Variants in ADD2 observed in about 807,000 individuals in gnomAD.
ADD2 encodes the protein adducin 2.
In ADD2, 23 loss-of-function variants were observed where a neutral mutation model predicts 83.0. The observed-to-expected ratio is 0.28, with a 90% CI of 0.20 to 0.39. The LOEUF is 0.39. Ranked by LOEUF, ADD2 falls within the 10% of genes least tolerant of loss-of-function variation. The pLI, the probability that ADD2 is intolerant of heterozygous loss-of-function variation, is 1.00. For missense variants in ADD2, 758 were observed against 944.9 expected, an observed-to-expected ratio of 0.80 and a Z score of 2.59; for synonymous variants, 375 against 375.4, an observed-to-expected ratio of 1.00 and a Z score of 0.01.
chr2:70,757,956 A>G (rs1181112663), intron 1 of ADD2, among the ~76,000 whole-genome samples: 1 of 152,244 alleles, frequency 6.6e-6, no homozygotes, highest in Non-Finnish European at 1.5e-5. Flanking sequence ...CCTTCAATAA[A>G]ATGATTCACA....
In ADD2 at chr2:70,692,035, C is replaced by T. The variant is rs141903752; in HGVS notation, c.705+368G>A. On this transcript the variant is annotated intron_variant, in intron 7 of 15. Transcript: ENST00000264436. ...CAGCCTACCCTGAGCTATGGGAAAA[C>T]GGGCACAGTCCAGGTTCCCACTAAC... 4.6e-5 allele frequency among the ~76,000 whole-genome samples: 7 copies of T among 152,328 alleles called. No homozygotes were observed. The South Asian group carries it at 1.0e-3, about 23-fold the overall frequency.
intron 4 of ADD2, among the ~76,000 whole-genome samples, chr2:70,696,857 G>A (rs1671337497): frequency 6.6e-6 from 1 of 152,130 alleles, no homozygotes; most frequent in South Asian, 2.1e-4. Context: ...TTAGAAACAG[G>A]GAAAATAGAA....
intron 8 of ADD2, among the ~76,000 whole-genome samples, chr2:70,689,122 C>G (rs1316818442): frequency 5.9e-5 from 9 of 152,024 alleles, no homozygotes; most frequent in African/African-American, 1.7e-4. Flanking sequence ...CGGAAAGTCT[C>G]TCAGCTAATT....
At chr2:70,709,341 G>T (rs1334572845) in intron 2 of ADD2, among the ~76,000 whole-genome samples, 7 of 150,382 alleles carry the variant, frequency 4.7e-5, no homozygotes, top group African/African-American at 1.7e-4. Context: ...AAAAAAAAAA[G>T]ATTCTGTAAA....
chr2:70,756,551 T>C (rs149745650), intron 1 of ADD2, among the ~76,000 whole-genome samples: 51 of 152,340 alleles, frequency 3.3e-4, no homozygotes, highest in Non-Finnish European at 7.1e-4. Context: ...AATTACCTTA[T>C]AGACAAATCA....
At chr2:70,758,608 T>C (rs1311569261) in intron 1 of ADD2, among the ~76,000 whole-genome samples, 1 of 152,122 alleles carries the variant, frequency 6.6e-6, no homozygotes, top group South Asian at 2.1e-4. Context: ...AGATCAACTA[T>C]GCAACATAGT....
chr2:70,680,947 G>C (rs565171895), intron 10 of ADD2, among the ~76,000 whole-genome samples: 1 of 152,160 alleles, frequency 6.6e-6, no homozygotes, highest in African/African-American at 2.4e-5. Context: ...CTAACTTCAG[G>C]AGAAATTTAG....
At chr2:70,675,132 A>G in intron 13 of ADD2, 1 of 1,068,840 alleles carries the variant, frequency 9.4e-7, no homozygotes, top group Admixed American at 5.0e-5. Flanking sequence ...TTCTATGGAC[A>G]CTTCCAAGCC....
intron 1 of ADD2, among the ~76,000 whole-genome samples, chr2:70,743,510 T>C (rs1408322747): frequency 1.3e-5 from 2 of 152,298 alleles, no homozygotes; most frequent in Non-Finnish European, 2.9e-5. Flanking sequence ...TTAGGGACAA[T>C]ATCTGCTTCA....
At chr2:70,726,935 A>G (rs1553378383) in intron 1 of ADD2, among the ~76,000 whole-genome samples, 1 of 152,218 alleles carries the variant, frequency 6.6e-6, no homozygotes, top group African/African-American at 2.4e-5. Flanking sequence ...CTGTCTCTCC[A>G]GTCCCCAACC....
intron 5 of ADD2, 32 bp from the exon 6 acceptor site, chr2:70,695,833 G>A: frequency 6.3e-6 from 10 of 1,592,004 alleles, no homozygotes; most frequent in Non-Finnish European, 7.8e-6. Flanking sequence ...TCAGGGGCAA[G>A]GAGGGAGAAA....
intron 1 of ADD2, among the ~76,000 whole-genome samples, chr2:70,750,953 T>C (rs1553382856): frequency 6.6e-6 from 1 of 152,210 alleles, no homozygotes; most frequent in Non-Finnish European, 1.5e-5. Context: ...TACATTCTTA[T>C]AAAAAATTGA....
intron 1 of ADD2, among the ~76,000 whole-genome samples, chr2:70,732,087 T>C (rs1673311713): frequency 6.6e-6 from 1 of 152,132 alleles, no homozygotes; most frequent in Non-Finnish European, 1.5e-5. Context: ...TCCCTTCTCA[T>C]TGAGTTGAGA....
intron 4 of ADD2, among the ~76,000 whole-genome samples, chr2:70,697,564 G>A (rs1025363847): frequency 6.6e-6 from 1 of 152,198 alleles, no homozygotes; most frequent in South Asian, 2.1e-4. Context: ...TTAAAATGGT[G>A]TCTGGCTGGG....
rs782424896 is a variant in ADD2 at position 70,659,317 on chromosome 2, T to C, written c.*4108A>G. ...TGGGCAAATGGTTCTTTCAAATCCATGGCAATCAAAGAAGTGGATTTATAG... is the reference window on the plus strand; with the variant it reads ...TGGGCAAATGGTTCTTTCAAATCCACGGCAATCAAAGAAGTGGATTTATAG... On this transcript the variant is annotated 3_prime_UTR_variant, in exon 16 of 16. Coordinates refer to ENST00000264436, the MANE Select transcript of ADD2 (RefSeq NM_001617.4). 1.3e-5 allele frequency: 2 copies of C among 152,138 alleles called. No homozygotes were observed. Among genetic ancestry groups the C allele is most frequent in the African/African-American group, 2.4e-5 (1 of 41,418 alleles). 9.4% of individuals were successfully genotyped at this position (152,138 alleles called of 1,614,324 possible). A position where few individuals can be genotyped will look rare whatever the true frequency, so the allele number is the denominator to read the frequency against.
intron 1 of ADD2, among the ~76,000 whole-genome samples, chr2:70,730,547 C>G (rs1242703449): frequency 1.3e-5 from 2 of 152,234 alleles, no homozygotes; most frequent in African/African-American, 4.8e-5. Flanking sequence ...AGGCTGGCCT[C>G]TCTGCCCCAA....
intron 1 of ADD2, among the ~76,000 whole-genome samples, chr2:70,736,156 G>T (rs1202937752): frequency 2.6e-5 from 4 of 152,104 alleles, no homozygotes; most frequent in Admixed American, 1.3e-4. Flanking sequence ...AGAACAATCA[G>T]ATAGAGGGTA....
intron 1 of ADD2, among the ~76,000 whole-genome samples, chr2:70,741,958 T>C (rs1333474561): frequency 6.6e-6 from 1 of 152,194 alleles, no homozygotes; most frequent in Non-Finnish European, 1.5e-5. Flanking sequence ...CTCTAATCAA[T>C]AATAAAATGA....
intron 9 of ADD2, among the ~76,000 whole-genome samples, chr2:70,684,824 G>A (rs1041785604): frequency 1.3e-5 from 2 of 152,234 alleles, no homozygotes; most frequent in Admixed American, 6.5e-5. Context: ...GCAGGTGGTT[G>A]TAGGCAATGG....
Sources: gnomAD v4.1 joint callset for allele counts (sites outside exome capture counted in the v4.1 genomes callset) on GRCh38, gnomAD v4.1.1 for gene constraint, MANE v1.5 for transcripts, NCBI Gene and HGNC (gene_info 2026-07-23, HGNC 2026-07-21) for gene names.